OR51B5: variants seen among roughly 807,000 people sequenced by gnomAD.
The protein encoded by OR51B5 is olfactory receptor 51B5.
For missense variants in OR51B5, 456 were observed against 374.6 expected (o/e 1.22, Z -1.79); for synonymous variants, 186 against 144.8 (o/e 1.28, Z -2.04).
At chr11:5,351,691 G>T in intron 1 of OR51B5, 3 of 1,614,048 alleles carry the variant, frequency 1.9e-6, no homozygotes, top group Non-Finnish European at 2.5e-6. Context: ...CTATTTCTTA[G>T]CTATGTTGGC....
At chr11:5,429,403 C>A (rs1260891917) in intron 1 of OR51B5, among the ~76,000 whole-genome samples, 2 of 152,072 alleles carry the variant, frequency 1.3e-5, no homozygotes, top group African/African-American at 4.8e-5. Context: ...CAAAGACAAC[C>A]CTTGTAAGCT....
intron 1 of OR51B5, chr11:5,431,647 A>G (rs966591780): frequency 6.5e-6 from 1 of 152,966 alleles, no homozygotes; most frequent in African/African-American, 2.4e-5. Context: ...TTTGAAAAAA[A>G]CTGAAGTTAG....
rs369723808 is a variant in OR51B5, at chr11:5,374,983, C to T, written n.85-28073G>A. On this transcript the variant is annotated intron_variant and non_coding_transcript_variant, in intron 1 of 4. Transcript: ENST00000415970. ...ATTCAGATTCAGGAAATACAGAGAACGCCACAAACATACTCCTCGAGAAGA... is the reference window on the plus strand; with the variant it reads ...ATTCAGATTCAGGAAATACAGAGAATGCCACAAACATACTCCTCGAGAAGA... Among the ~76,000 whole-genome samples, 1,414 of 151,530 alleles carry T rather than the reference C, an allele frequency of 9.3e-3. 10 individuals carry two copies. Among genetic ancestry groups the T allele is most frequent in the African/African-American group, 0.015 (616 of 41,132 alleles).
chr11:5,377,813 G>A (rs892574423), intron 1 of OR51B5, among the ~76,000 whole-genome samples: 19 of 152,124 alleles, frequency 1.2e-4, no homozygotes, highest in African/African-American at 4.3e-4. Context: ...AATAAAAGAA[G>A]ATACAAACAA....
intron 1 of OR51B5, among the ~76,000 whole-genome samples, chr11:5,433,755 C>A (rs1388435522): frequency 5.3e-5 from 8 of 152,012 alleles, no homozygotes; most frequent in African/African-American, 1.7e-4. Context: ...TCACTTGAGT[C>A]CAGGAGTTCC....
chr11:5,429,013 A>G (rs886589693), intron 1 of OR51B5, among the ~76,000 whole-genome samples: 1 of 152,178 alleles, frequency 6.6e-6, no homozygotes, highest in Non-Finnish European at 1.5e-5. Flanking sequence ...TGTAGAACTT[A>G]AGATTGGTGT....
At chr11:5,446,626 C>G (rs1248121702) in intron 1 of OR51B5, among the ~76,000 whole-genome samples, 1 of 152,058 alleles carries the variant, frequency 6.6e-6, no homozygotes, top group Non-Finnish European at 1.5e-5. Context: ...TTTTATATGA[C>G]TAAAGAAAAG....
intron 1 of OR51B5, among the ~76,000 whole-genome samples, chr11:5,493,170 C>T (rs1168086229): frequency 6.6e-6 from 1 of 152,096 alleles, no homozygotes; most frequent in African/African-American, 2.4e-5. Flanking sequence ...CAGCCAAGGC[C>T]TCGAGTCCTT....
chr11:5,503,276 G>A (rs192071314), intron 1 of OR51B5, among the ~76,000 whole-genome samples: 19 of 152,222 alleles, frequency 1.2e-4, no homozygotes, highest in Admixed American at 1.2e-3. Flanking sequence ...TAATAACACA[G>A]CAACTGGTAA....
At chr11:5,408,934 G>A (rs973633632) in intron 1 of OR51B5, among the ~76,000 whole-genome samples, 7 of 151,868 alleles carry the variant, frequency 4.6e-5, no homozygotes, top group Non-Finnish European at 8.8e-5. Flanking sequence ...TAATATTTTT[G>A]TAACACCCTC....
At chr11:5,343,050 T>G in exon 1 of OR51B5, 1 of 1,613,372 alleles carries the variant, frequency 6.2e-7, no homozygotes, top group East Asian at 2.2e-5. Flanking sequence ...TAGAGGGGCC[T>G]GATTGGGGGA....
At chr11:5,450,823 G>C (rs920765830) in intron 1 of OR51B5, among the ~76,000 whole-genome samples, 1 of 152,132 alleles carries the variant, frequency 6.6e-6, no homozygotes, top group African/African-American at 2.4e-5. Flanking sequence ...TGCGGTGTTT[G>C]GTTTTCTGTT....
At chr11:5,375,792 A>T (rs1849517295) in intron 1 of OR51B5, among the ~76,000 whole-genome samples, 1 of 152,200 alleles carries the variant, frequency 6.6e-6, no homozygotes, top group Non-Finnish European at 1.5e-5. Context: ...CCAATACAGG[A>T]GCACCCAGAT....
In OR51B5 at chr11:5,390,215, G is replaced by A. The variant is rs754870835; in HGVS notation, n.85-43305C>T. 6 of 1,613,966 alleles carry A rather than the reference G, an allele frequency of 3.7e-6. No individual in the cohort carries two copies. In the Admixed American group the frequency reaches 1.0e-4, roughly 27 times the overall value. The stretch of plus-strand genomic sequence containing the variant: ...TGTGCCCATGATGGGGCTGTCCCTG[G>A]TGCACCGTTTTGGGAAGCATGCCCC... On this transcript the variant is annotated intron_variant and non_coding_transcript_variant, in intron 1 of 4. Coordinates refer to the OR51B5 transcript ENST00000415970.
chr11:5,463,272 G>T (rs1851087598), intron 1 of OR51B5, among the ~76,000 whole-genome samples: 2 of 152,190 alleles, frequency 1.3e-5, no homozygotes, highest in Admixed American at 1.3e-4. Flanking sequence ...CAAGCCTCCA[G>T]TACTCTTCAA....
chr11:5,379,357 GC>G (rs1208951499), intron 1 of OR51B5, among the ~76,000 whole-genome samples: 1 of 151,970 alleles, frequency 6.6e-6, no homozygotes, highest in Non-Finnish European at 1.5e-5. Context: ...TATACCTAAT[GC>G]TAAATTACGA....
intron 1 of OR51B5, chr11:5,421,994 T>G: frequency 1.9e-6 from 1 of 528,214 alleles, no homozygotes; most frequent in Non-Finnish European, 3.3e-6. Context: ...AAGGGAAGAT[T>G]AGCTGTGTGG....
chr11:5,462,681 T>G (rs973988835), intron 1 of OR51B5, among the ~76,000 whole-genome samples: 1 of 152,222 alleles, frequency 6.6e-6, no homozygotes, highest in South Asian at 2.1e-4. Context: ...TATCCAATAT[T>G]CCATTATCAA....
At chr11:5,484,558 A>G (rs1851473309) in intron 1 of OR51B5, among the ~76,000 whole-genome samples, 1 of 152,232 alleles carries the variant, frequency 6.6e-6, no homozygotes, top group African/African-American at 2.4e-5. Flanking sequence ...ATCTAGTGTC[A>G]TCACTAAAAA....
Sources: gnomAD v4.1 joint callset for allele counts (sites outside exome capture counted in the v4.1 genomes callset) on GRCh38, gnomAD v4.1.1 for gene constraint, MANE v1.5 for transcripts, NCBI Gene and HGNC (gene_info 2026-07-23, HGNC 2026-07-21) for gene names.